Variants in FANCL observed in about 807,000 individuals in gnomAD.
The protein encoded by FANCL is FA complementation group L.
FANCL carries 69 observed loss-of-function variants against 59.4 expected under a neutral mutation model. The ratio of observed to expected loss-of-function variants is 1.16; its 90% CI spans 0.96 to 1.42. FANCL has a LOEUF of 1.42. FANCL is among the 40% of genes most tolerant of loss of function. The pLI is 0.00. For synonymous variants in FANCL, 180 were observed against 147.1 expected, an observed-to-expected ratio of 1.22 and a Z score of -1.62; for missense variants, 519 against 447.2, an observed-to-expected ratio of 1.16 and a Z score of -1.45.
rs1311361475 is a variant in FANCL, at chr2:58,187,754, G to GA, written c.540+10839dup. Among the ~76,000 whole-genome samples the GA allele has an allele frequency of 2.0e-5, 3 of 152,152 alleles. No homozygotes were observed. The East Asian group carries it at 5.8e-4, about 29-fold the overall frequency. ...TAATGGTAGTAAAAGTGTTATCCTT[G>GA]AAAAATCTAGAACGTGTGTATACAT... On this transcript the variant is annotated intron_variant, in intron 7 of 13. Coordinates refer to ENST00000233741, the MANE Select transcript of FANCL (RefSeq NM_018062.4).
chr2:58,238,769 A>C (rs1694251077), intron 1 of FANCL, among the ~76,000 whole-genome samples: 1 of 152,180 alleles, frequency 6.6e-6, no homozygotes, highest in African/African-American at 2.4e-5. Flanking sequence ...TCCACGAGAA[A>C]ATTTTTACAA....
Position 58,160,123 on chromosome 2 carries a change from A to G in FANCL, c.1077T>C (p.Cys359=), listed in dbSNP as rs11539575. 29,282 of 1,612,658 alleles carry G rather than the reference A, an allele frequency of 0.018. 329 individuals are homozygous for G. Among genetic ancestry groups the G allele is most frequent in the Middle Eastern group, 0.027 (163 of 6,044 alleles). The change falls in exon 13 of 14, where the codon TGT becomes TGC. Residue 359 remains cysteine, a synonymous_variant. Coordinates refer to ENST00000233741, the MANE Select transcript of FANCL (RefSeq NM_018062.4). ...ATTTGCTTACCTTACTACAATATGG[A>G]CATTCACCAAATATGATGTTAAAAC... is the stretch of plus-strand genomic sequence containing the variant. ...RQSFNIIFGE[C]PYCSKPITLK... is the part of the protein sequence containing the mutation.
rs543675644 is a variant in FANCL at position 58,167,415 on chromosome 2, T to G, written c.541-1541A>C. The stretch of plus-strand genomic sequence containing the variant: ...ACAATAGTATATCTCTGTTTCTCCT[T>G]TCTCTGTCTGTTTCTACATGTGTAT... On this transcript the variant is annotated intron_variant, in intron 7 of 13. Coordinates refer to ENST00000233741, the MANE Select transcript of FANCL (RefSeq NM_018062.4). 3.9e-5 allele frequency among the ~76,000 whole-genome samples: 6 copies of G among 152,088 alleles called. No individual in the cohort carries two copies. In the South Asian group the frequency reaches 1.2e-3, roughly 32 times the overall value.
intron 4 of FANCL, among the ~76,000 whole-genome samples, chr2:58,226,356 A>G (rs1692997453): frequency 6.6e-6 from 1 of 152,196 alleles, no homozygotes; most frequent in Non-Finnish European, 1.5e-5. Context: ...AGTTTTTCAG[A>G]TATCTGTAGC....
intron 1 of FANCL, among the ~76,000 whole-genome samples, chr2:58,237,464 T>C (rs1194614703): frequency 3.3e-5 from 5 of 152,000 alleles, no homozygotes; most frequent in Non-Finnish European, 7.4e-5. Context: ...TAAACCAGTA[T>C]TCAAAAGAAA....
intron 7 of FANCL, among the ~76,000 whole-genome samples, chr2:58,188,014 A>C (rs1431565488): frequency 6.6e-6 from 1 of 152,136 alleles, no homozygotes; most frequent in African/African-American, 2.4e-5. Context: ...TAGAGTTACA[A>C]ATACTTTTCC....
chr2:58,217,166 T>TTATATATATA (rs1158149205), intron 5 of FANCL, among the ~76,000 whole-genome samples: 4 of 47,344 alleles, frequency 8.4e-5, no homozygotes, highest in Admixed American at 3.2e-4. Flanking sequence ...TTTATATATT[T>TTATATATATA]TATATATATA....
At chr2:58,166,762 GA>G (rs1685994364) in intron 7 of FANCL, among the ~76,000 whole-genome samples, 1 of 152,170 alleles carries the variant, frequency 6.6e-6, no homozygotes, top group Non-Finnish European at 1.5e-5. Context: ...ACCCTAAGAT[GA>G]AAAGAAACTA....
Position 58,221,008 on chromosome 2 carries a change from C to A in FANCL, c.374+934G>T, listed in dbSNP as rs181983515. Among the ~76,000 whole-genome samples, 137 of 151,366 alleles carry A rather than the reference C, an allele frequency of 9.1e-4. 2 individuals carry two copies. The highest frequency in any genetic ancestry group is 3.9e-4 in the Admixed American group (6 of 15,220). On this transcript the variant is annotated intron_variant, in intron 5 of 13. Transcript: ENST00000233741. ...CGGGCGGATCACGAGGTCAGGAGAT[C>A]GAGACCGATCCTGGCTAACACGGTG...
chr2:58,206,455 T>C (rs936258346), intron 5 of FANCL, among the ~76,000 whole-genome samples: 3 of 151,984 alleles, frequency 2.0e-5, no homozygotes, highest in Non-Finnish European at 2.9e-5. Flanking sequence ...ATAACCATGA[T>C]GAATATAAAG....
chr2:58,174,129 T>A (rs1687000103), intron 7 of FANCL, among the ~76,000 whole-genome samples: 1 of 152,056 alleles, frequency 6.6e-6, no homozygotes, highest in Admixed American at 6.5e-5. Context: ...GCACCCAGAT[T>A]CATAAAACAA....
At chr2:58,201,780 C>T (rs185232049) in intron 6 of FANCL, among the ~76,000 whole-genome samples, 1 of 151,978 alleles carries the variant, frequency 6.6e-6, no homozygotes, top group Non-Finnish European at 1.5e-5. Context: ...GACATCTAGT[C>T]AAAATAGGTA....
intron 7 of FANCL, among the ~76,000 whole-genome samples, chr2:58,195,728 T>A (rs1689364095): frequency 6.6e-6 from 1 of 152,130 alleles, no homozygotes; most frequent in African/African-American, 2.4e-5. Context: ...GCTAAGGCTA[T>A]GGACACAATA....
At chr2:58,201,033 A>G (rs1173803302) in intron 6 of FANCL, among the ~76,000 whole-genome samples, 1 of 150,866 alleles carries the variant, frequency 6.6e-6, no homozygotes, top group African/African-American at 2.4e-5. Context: ...GTAAGTCTGG[A>G]TGATTTATCA....
intron 7 of FANCL, among the ~76,000 whole-genome samples, chr2:58,179,085 A>T (rs1687659434): frequency 6.6e-6 from 1 of 152,186 alleles, no homozygotes; most frequent in Non-Finnish European, 1.5e-5. Context: ...ATAAGAGAGG[A>T]CACAAACAAA....
rs149447347 is a variant in FANCL at position 58,204,630 on chromosome 2, TG to T, written c.375-405del. ...CAGTATGAGACTTTAATGCTCCCTT[TG>T]TTTTTCTCCTCAATGAACTTCTCCT... On this transcript the variant is annotated intron_variant, in intron 5 of 13. Transcript: ENST00000233741. Among the ~76,000 whole-genome samples, 613 of 152,190 alleles carry T rather than the reference TG, an allele frequency of 4.0e-3. 7 individuals are homozygous for T. Among genetic ancestry groups the T allele is most frequent in the African/African-American group, 0.014 (581 of 41,516 alleles).
chr2:58,217,215 T>TACAC (rs368257506), intron 5 of FANCL, among the ~76,000 whole-genome samples: 5 of 20,858 alleles, frequency 2.4e-4, no homozygotes, highest in African/African-American at 5.6e-4. Context: ...TATATATATA[T>TACAC]ACACACACAC....
intron 3 of FANCL, among the ~76,000 whole-genome samples, chr2:58,229,041 C>A (rs1441243509): frequency 6.6e-6 from 1 of 152,050 alleles, no homozygotes; most frequent in African/African-American, 2.4e-5. Flanking sequence ...AGGATGATAA[C>A]CTTCATTCTA....
chr2:58,163,349 A>G (rs1685493238), intron 9 of FANCL, 85 bp downstream of exon 9: 1 of 945,790 alleles, frequency 1.1e-6, no homozygotes, highest in African/African-American at 1.6e-5. Flanking sequence ...TACCATTAAT[A>G]TACTAATATT....
Sources: gnomAD v4.1 joint callset for allele counts (sites outside exome capture counted in the v4.1 genomes callset) on GRCh38, gnomAD v4.1.1 for gene constraint, MANE v1.5 for transcripts, NCBI Gene and HGNC (gene_info 2026-07-23, HGNC 2026-07-21) for gene names.